RPGRIP1: variants seen among roughly 807,000 people sequenced by gnomAD.
The protein encoded by RPGRIP1 is X-linked retinitis pigmentosa GTPase regulator-interacting protein 1.
A neutral mutation model predicts 157.9 loss-of-function variants in RPGRIP1; 128 were observed. The observed-to-expected ratio is 0.81, with a 90% CI of 0.70 to 0.94. The LOEUF (loss-of-function observed/expected upper bound fraction) is 0.94, where lower values mean the gene tolerates loss of function less well. RPGRIP1 is among the 40% of genes least tolerant of loss of function. The pLI is 0.00. For synonymous variants in RPGRIP1, 554 were observed against 571.6 expected, an observed-to-expected ratio of 0.97 and a Z score of 0.44; for missense variants, 1,486 against 1,545.8, an observed-to-expected ratio of 0.96 and a Z score of 0.65.
chr14:21,326,938 T>C (rs528135510), intron 17 of RPGRIP1, among the ~76,000 whole-genome samples: 2 of 152,130 alleles, frequency 1.3e-5, no homozygotes, highest in East Asian at 3.9e-4. Flanking sequence ...ATACCTAGGA[T>C]TGTGGGGGTG....
intron 3 of RPGRIP1, among the ~76,000 whole-genome samples, chr14:21,297,954 A>G (rs1880866323): frequency 6.6e-6 from 1 of 151,118 alleles, no homozygotes; most frequent in South Asian, 2.1e-4. Context: ...TTTAGCCTCA[A>G]CTTCCTGGAA....
intron 23 of RPGRIP1, among the ~76,000 whole-genome samples, chr14:21,347,419 G>T (rs1422091602): frequency 6.6e-6 from 1 of 152,154 alleles, no homozygotes; most frequent in Non-Finnish European, 1.5e-5. Flanking sequence ...TTATCACTTC[G>T]CATTGTTGAA....
At chr14:21,281,806 A>T (rs1468957389) in intron 1 of RPGRIP1, among the ~76,000 whole-genome samples, 1 of 151,766 alleles carries the variant, frequency 6.6e-6, no homozygotes, top group East Asian at 1.9e-4. Flanking sequence ...AAAAAGAAAA[A>T]AAAGAAGTCT....
intron 2 of RPGRIP1, among the ~76,000 whole-genome samples, chr14:21,291,018 G>T (rs1188188040): frequency 6.6e-6 from 1 of 150,934 alleles, no homozygotes; most frequent in Non-Finnish European, 1.5e-5. Context: ...AAAAAAAAAG[G>T]ATTCTTTCTC....
At chr14:21,341,646 G>T (rs574804984) in intron 21 of RPGRIP1, among the ~76,000 whole-genome samples, 1 of 152,222 alleles carries the variant, frequency 6.6e-6, no homozygotes, top group Non-Finnish European at 1.5e-5. Flanking sequence ...GACTTCTGTT[G>T]GCCTTGGTGT....
intron 3 of RPGRIP1, among the ~76,000 whole-genome samples, chr14:21,295,687 G>A (rs1003056549): frequency 2.6e-5 from 4 of 151,830 alleles, no homozygotes; most frequent in African/African-American, 9.7e-5. Flanking sequence ...TGTTGGTCAG[G>A]CTGGTCTTGA....
At chr14:21,318,465 C>G (rs8011162) in intron 11 of RPGRIP1, among the ~76,000 whole-genome samples, 132,938 of 152,036 alleles carry the variant, frequency 0.87, 58,669 homozygotes, top group East Asian at 1. Context: ...TGAAAGTTTT[C>G]TTTTGTTTGG....
chr14:21,294,753 C>A lies in RPGRIP1; in HGVS notation c.162C>A (p.Arg54=), dbSNP rs765765074. 3.1e-6 allele frequency: 5 copies of A among 1,608,918 alleles called. No individual in the cohort carries two copies. The South Asian group carries it at 5.5e-5, about 18-fold the overall frequency. Residue 54 remains arginine, a synonymous_variant, in exon 3 of 25, where the codon CGC becomes CGA. Coordinates refer to ENST00000400017, the MANE Select transcript of RPGRIP1 (RefSeq NM_020366.4). ...EELEDSFFRL[R]EDHMLVKELS... ...TGGAGGACAGTTTCTTTCGACTTCG[C>A]GAAGATCACATGTTGGTGAAGGAGC...
chr14:21,288,866 G>T (rs749646136), intron 2 of RPGRIP1, among the ~76,000 whole-genome samples: 1 of 152,104 alleles, frequency 6.6e-6, no homozygotes, highest in Non-Finnish European at 1.5e-5. Context: ...AGGAGGTAAA[G>T]CTAAATACTA....
At chr14:21,347,456 G>T (rs1885681823) in intron 23 of RPGRIP1, among the ~76,000 whole-genome samples, 1 of 152,128 alleles carries the variant, frequency 6.6e-6, no homozygotes, top group South Asian at 2.1e-4. Flanking sequence ...TAGAAACATA[G>T]TTACAAATGA....
intron 20 of RPGRIP1, among the ~76,000 whole-genome samples, chr14:21,330,978 C>T (rs918016479): frequency 6.6e-6 from 1 of 151,840 alleles, no homozygotes; most frequent in African/African-American, 2.4e-5. Context: ...GGCAGGATCT[C>T]AGCTCACTGC....
intron 7 of RPGRIP1, among the ~76,000 whole-genome samples, chr14:21,308,314 C>T (rs750696202): frequency 1.3e-5 from 2 of 152,192 alleles, no homozygotes; most frequent in African/African-American, 4.8e-5. Flanking sequence ...TAGAAACTAA[C>T]ATCTGATTGG....
intron 14 of RPGRIP1, among the ~76,000 whole-genome samples, chr14:21,323,081 CG>C (rs1006747487): frequency 5.9e-5 from 9 of 152,206 alleles, no homozygotes; most frequent in African/African-American, 2.2e-4. Flanking sequence ...AGCCCTCTTT[CG>C]GGAAGCAAAA....
chr14:21,320,101 C>G lies in RPGRIP1; in HGVS notation c.1391C>G (p.Thr464Arg). The G allele has an allele frequency of 6.2e-7, 1 of 1,613,826 alleles. No homozygotes were observed. The highest frequency in any genetic ancestry group is 8.5e-7 in the Non-Finnish European group (1 of 1,179,836). The change falls in exon 12 of 25, where the codon ACA becomes AGA. Residue 464 changes from threonine to arginine, a missense_variant. By Grantham distance (71) the Thr-to-Arg change is moderately conservative. Transcript: ENST00000400017. The stretch of plus-strand genomic sequence containing the variant: ...GTAGAGCTCCTCCAAAATGCAGCCA[C>G]AATTTCCCAACCTCCTGACAGGCAA... Reference protein sequence around the residue: ...QEVELLQNAATISQPPDRQSE... With the variant: ...QEVELLQNAARISQPPDRQSE...
chr14:21,325,370 C>T lies in RPGRIP1; in HGVS notation c.2354C>T (p.Ala785Val). The T allele has an allele frequency of 6.3e-7, 1 of 1,578,926 alleles. No homozygotes were observed. Among genetic ancestry groups the T allele is most frequent in the Non-Finnish European group, 8.6e-7 (1 of 1,162,312 alleles). Residue 785 changes from alanine to valine, a missense_variant, in exon 16 of 25, where the codon GCC (alanine) becomes GTC (valine). By Grantham distance (64) the Ala-to-Val change is moderately conservative (BLOSUM62 0). Transcript: ENST00000400017. ...ACCGATGTGCTTGGAGGCCGGAAGG[C>T]CCAGGAAGAGGAGGTGAGAAAAAAG... ...LSTDVLGGRKAQEEEFRSESW... is the reference protein window; with the variant it reads ...LSTDVLGGRKVQEEEFRSESW...
At chr14:21,338,803 A>C (rs937834436) in intron 21 of RPGRIP1, among the ~76,000 whole-genome samples, 1 of 152,244 alleles carries the variant, frequency 6.6e-6, no homozygotes, top group African/African-American at 2.4e-5. Context: ...TGTAGTCTGC[A>C]TGAATATGGA....
rs1486419626 is a variant in RPGRIP1 at position 21,325,746 on chromosome 14, G to A, written c.2368-85G>A. On this transcript the variant is annotated intron_variant, in intron 16 of 24. Coordinates refer to ENST00000400017, the MANE Select transcript of RPGRIP1 (RefSeq NM_020366.4). ...TGGGATAGCTGTTCTCTAGATCATA[G>A]CTCTTCCTCACCACAGATCCTAGGC... 3 of 995,128 alleles carry A rather than the reference G, an allele frequency of 3.0e-6. No homozygotes were observed. The East Asian group carries it at 7.6e-5, about 25-fold the overall frequency. The allele number at this position is 995,128 out of a possible 1,614,324, so 61.6% of individuals were successfully genotyped here.
At chr14:21,322,863 T>A (rs564685777) in intron 14 of RPGRIP1, among the ~76,000 whole-genome samples, 1 of 152,370 alleles carries the variant, frequency 6.6e-6, no homozygotes, top group African/African-American at 2.4e-5. Flanking sequence ...TGGTGCCTCC[T>A]ATACTTAGTG....
intron 3 of RPGRIP1, among the ~76,000 whole-genome samples, chr14:21,300,366 A>G (rs1205808723): frequency 6.6e-6 from 1 of 151,884 alleles, no homozygotes; most frequent in Admixed American, 6.6e-5. Context: ...ACTGGGGGTT[A>G]AGGCTTCAAC....
Sources: gnomAD v4.1 joint callset for allele counts (sites outside exome capture counted in the v4.1 genomes callset) on GRCh38, gnomAD v4.1.1 for gene constraint, MANE v1.5 for transcripts, NCBI Gene and HGNC (gene_info 2026-07-23, HGNC 2026-07-21) for gene names.